Variants in EYS observed in about 807,000 individuals in gnomAD.
EYS encodes EGF-like photoreceptor maintenance factor, also known as protein eyes shut homolog.
Under a neutral mutation model 282.1 loss-of-function variants are expected in EYS, and 250 were observed. The observed-to-expected ratio is 0.89, with a 90% confidence interval of 0.80 to 0.98. The LOEUF is 0.98. Among genes scored for constraint, EYS ranks in the 50% least tolerant of loss-of-function variants. The pLI, the probability that EYS is intolerant of heterozygous loss-of-function variation, is 0.00. For synonymous variants in EYS, 1,355 were observed against 1,282.9 expected, an observed-to-expected ratio of 1.06 and a Z score of -1.20; for missense variants, 4,016 against 3,709.0, an observed-to-expected ratio of 1.08 and a Z score of -2.15.
chr6:64,657,151 G>A (rs1025499774), intron 22 of EYS, among the ~76,000 whole-genome samples: 66 of 152,034 alleles, frequency 4.3e-4, no homozygotes, highest in Non-Finnish European at 9.1e-4. Context: ...TTTAAAGTCT[G>A]TTTTATCAGA....
chr6:64,395,226 A>G (rs1231931429), intron 28 of EYS, among the ~76,000 whole-genome samples: 3 of 152,124 alleles, frequency 2.0e-5, no homozygotes, highest in African/African-American at 7.2e-5. Flanking sequence ...CAGTGTGGCG[A>G]TTCCTCAGGG....
intron 12 of EYS, among the ~76,000 whole-genome samples, chr6:65,062,571 C>T (rs1773610137): frequency 6.6e-6 from 1 of 151,908 alleles, no homozygotes. Flanking sequence ...GTACTCCAAA[C>T]TCCTTACCTT....
At chr6:64,999,168 C>T (rs1771372992) in intron 13 of EYS, among the ~76,000 whole-genome samples, 1 of 151,988 alleles carries the variant, frequency 6.6e-6, no homozygotes, top group South Asian at 2.1e-4. Flanking sequence ...GACTAAGTGC[C>T]AGAAGAGAAC....
intron 31 of EYS, among the ~76,000 whole-genome samples, chr6:64,119,617 T>A (rs906837806): frequency 3.9e-5 from 6 of 152,208 alleles, no homozygotes; most frequent in Non-Finnish European, 7.3e-5. Flanking sequence ...TTTCCAGTAA[T>A]GGGTAATTTT....
chr6:65,086,780 A>ATG (rs893010314), intron 12 of EYS, among the ~76,000 whole-genome samples: 1 of 151,688 alleles, frequency 6.6e-6, no homozygotes. Context: ...ACAGATATAT[A>ATG]TGTGTGTGGT....
rs370820066 is a variant in EYS, at chr6:63,755,436, C to T, written c.8071+7025G>A. 3.7e-4 allele frequency among the ~76,000 whole-genome samples: 56 copies of T among 152,154 alleles called. No individual in the cohort carries two copies. In the East Asian group the frequency reaches 0.01, roughly 27 times the overall value. On this transcript the variant is annotated intron_variant, in intron 41 of 42. Coordinates refer to ENST00000503581, the MANE Select transcript of EYS (RefSeq NM_001142800.2). ...GTCAGGTTTGTCAAAGATCAGATGG[C>T]TGTAGATGTGTGGTGTTATTTCTGA...
chr6:64,589,961 A>G (rs931674311), intron 26 of EYS, among the ~76,000 whole-genome samples: 2 of 152,108 alleles, frequency 1.3e-5, no homozygotes, highest in African/African-American at 4.8e-5. Flanking sequence ...AATGAATTGA[A>G]CTAGTTCAGT....
chr6:65,413,317 A>G (rs1767100122), intron 5 of EYS, among the ~76,000 whole-genome samples: 1 of 152,206 alleles, frequency 6.6e-6, no homozygotes, highest in South Asian at 2.1e-4. Flanking sequence ...GATTATAGCA[A>G]TGTACAAAAT....
At chr6:65,677,591 A>T (rs368971751) in intron 1 of EYS, among the ~76,000 whole-genome samples, 3 of 152,040 alleles carry the variant, frequency 2.0e-5, no homozygotes, top group East Asian at 3.9e-4. Context: ...CTGTATAAAT[A>T]TTGGAAGCCT....
chr6:64,931,667 T>C (rs1024815736), intron 15 of EYS, among the ~76,000 whole-genome samples: 10 of 152,100 alleles, frequency 6.6e-5, no homozygotes, highest in Admixed American at 3.9e-4. Context: ...AAACTAATGA[T>C]ATTTACAGTG....
At chr6:64,296,594 ATATATTTTTTTTTTTT>A (rs1769031940) in intron 30 of EYS, among the ~76,000 whole-genome samples, 1 of 4,874 alleles carries the variant, frequency 2.1e-4, no homozygotes, top group African/African-American at 6.2e-4. Flanking sequence ...ACATATATAT[ATATATTTTTTTTTTTT>A]TTTTTTTTTT....
rs545551757 is a variant in EYS at position 65,052,291 on chromosome 6, C to T, written c.2137+5323G>A. ...CATTTATGTATGTGCTTAATAATTACTTTTCTTATGTAGAAAGAAAATTTA... is the reference window on the plus strand; with the variant it reads ...CATTTATGTATGTGCTTAATAATTATTTTTCTTATGTAGAAAGAAAATTTA... On this transcript the variant is annotated intron_variant, in intron 13 of 42. Coordinates refer to ENST00000503581, the MANE Select transcript of EYS (RefSeq NM_001142800.2). 3.3e-5 allele frequency among the ~76,000 whole-genome samples: 5 copies of T among 151,500 alleles called. No homozygotes were observed. The South Asian group carries it at 1.0e-3, about 31-fold the overall frequency.
At chr6:63,843,165 AG>A (rs778321025) in intron 36 of EYS, among the ~76,000 whole-genome samples, 11 of 152,140 alleles carry the variant, frequency 7.2e-5, no homozygotes, top group Non-Finnish European at 1.5e-5. Flanking sequence ...GTAGCTTGAT[AG>A]GAATAGCATT....
At position 63,751,198 on chromosome 6, in the gene EYS, C is replaced by G. The variant is rs936703863; in HGVS notation, c.8071+11263G>C. On this transcript the variant is annotated intron_variant, in intron 41 of 42. Coordinates refer to ENST00000503581, the MANE Select transcript of EYS (RefSeq NM_001142800.2). ...GTCTATGTCATAAACAGGTCTTTAT[C>G]TGTACATACTATAAGGCTATGAGTT... 2.0e-5 allele frequency among the ~76,000 whole-genome samples: 3 copies of G among 152,086 alleles called. No individual in the cohort carries two copies. In the South Asian group the frequency reaches 6.2e-4, roughly 31 times the overall value.
At position 64,312,043 on chromosome 6, in the gene EYS, C is replaced by G. The variant is rs535521260; in HGVS notation, c.6079-4961G>C. ...CGGCGAGAAGGAAGCATTCACTCCC[C>G]TGCAAAGGGGCCTGAAACCAGGGAG... is the stretch of plus-strand genomic sequence containing the variant. On this transcript the variant is annotated intron_variant, in intron 29 of 42. Coordinates refer to ENST00000503581, the MANE Select transcript of EYS (RefSeq NM_001142800.2). Among the ~76,000 whole-genome samples the G allele has an allele frequency of 2.0e-5, 3 of 150,452 alleles. No individual in the cohort carries two copies. The East Asian group carries it at 5.9e-4, about 29-fold the overall frequency.
chr6:64,061,259 G>T (rs1421272926), intron 33 of EYS, among the ~76,000 whole-genome samples: 1 of 152,116 alleles, frequency 6.6e-6, no homozygotes, highest in Non-Finnish European at 1.5e-5. Flanking sequence ...GTGTAAAACA[G>T]ACACTAAAGG....
intron 8 of EYS, among the ~76,000 whole-genome samples, chr6:65,370,938 A>G (rs547472262): frequency 2.0e-5 from 3 of 152,012 alleles, no homozygotes; most frequent in African/African-American, 7.2e-5. Context: ...CTTCTAGTCA[A>G]TAAAAATAAT....
intron 22 of EYS, among the ~76,000 whole-genome samples, chr6:64,661,109 CA>C (rs1261034987): frequency 6.6e-6 from 1 of 152,112 alleles, no homozygotes; most frequent in Non-Finnish European, 1.5e-5. Flanking sequence ...TGATCTTTGA[CA>C]AACCTGACAA....
intron 30 of EYS, among the ~76,000 whole-genome samples, chr6:64,248,430 A>C (rs886815672): frequency 3.2e-4 from 49 of 152,178 alleles, no homozygotes; most frequent in Admixed American, 1.3e-4. Context: ...TACTTGAACT[A>C]AGAGAATGTT....
Sources: gnomAD v4.1 joint callset for allele counts (sites outside exome capture counted in the v4.1 genomes callset) on GRCh38, gnomAD v4.1.1 for gene constraint, MANE v1.5 for transcripts, NCBI Gene and HGNC (gene_info 2026-07-23, HGNC 2026-07-21) for gene names.